Variants in VDAC1 observed in about 807,000 individuals in gnomAD.
The protein encoded by VDAC1 is voltage dependent anion channel 1, also known as non-selective voltage-gated ion channel VDAC1.
In VDAC1, 10 loss-of-function variants were observed where a neutral mutation model predicts 34.7. The ratio of observed to expected loss-of-function variants is 0.29; its 90% CI spans 0.18 to 0.49. The LOEUF (loss-of-function observed/expected upper bound fraction) is 0.49. Ranked by LOEUF, VDAC1 falls within the 20% of genes least tolerant of loss-of-function variation. VDAC1 has a pLI of 0.99. For missense variants in VDAC1, 230 were observed against 347.9 expected (o/e 0.66, Z 2.69); for synonymous variants, 130 against 136.0 (o/e 0.96, Z 0.30).
the VDAC1 span, among the ~76,000 whole-genome samples, chr5:134,058,952 A>C: frequency 6.6e-6 from 1 of 152,160 alleles, no homozygotes; most frequent in Middle Eastern, 3.2e-3. Flanking sequence ...TGGGCTTTAC[A>C]ATAACCGCCT....
the VDAC1 span, among the ~76,000 whole-genome samples, chr5:134,080,524 G>A: frequency 3.0e-4 from 45 of 152,368 alleles, no homozygotes; most frequent in Admixed American, 2.9e-3. Flanking sequence ...AAGTCACGGA[G>A]GTACAGTACC....
At position 134,000,750 on chromosome 5, in the gene VDAC1, T is replaced by C. The variant is rs537220184; in HGVS notation, c.-7+4145A>G. Reference sequence around the variant, plus strand: ...TGTGAGGACTGAATTAGCTCGTTAATATACAACACTTGGTACAGTGGCTGG... The same window carrying C: ...TGTGAGGACTGAATTAGCTCGTTAACATACAACACTTGGTACAGTGGCTGG... On this transcript the variant is annotated intron_variant, in intron 1 of 8. Coordinates refer to ENST00000265333, the MANE Select transcript of VDAC1 (RefSeq NM_003374.3). Among the ~76,000 whole-genome samples, 5 of 152,296 alleles carry C rather than the reference T, an allele frequency of 3.3e-5. No homozygotes were observed. The South Asian group carries it at 1.0e-3, about 32-fold the overall frequency.
chr5:134,068,967 TGTGTG>T, the VDAC1 span, among the ~76,000 whole-genome samples: 1 of 3,028 alleles, frequency 3.3e-4, no homozygotes, highest in East Asian at 3.7e-3. Flanking sequence ...GGGAGGTGAC[TGTGTG>T]TGTGTGTGTG....
At chr5:134,021,279 C>T in the VDAC1 span, among the ~76,000 whole-genome samples, 3 of 151,798 alleles carry the variant, frequency 2.0e-5, no homozygotes, top group African/African-American at 7.3e-5. Flanking sequence ...TGTTGGTTTG[C>T]TGCACCCATC....
the VDAC1 span, among the ~76,000 whole-genome samples, chr5:134,046,276 C>A: frequency 6.6e-6 from 1 of 152,120 alleles, no homozygotes; most frequent in Non-Finnish European, 1.5e-5. Flanking sequence ...GATCCACCCA[C>A]CTTGGCCTCC....
At chr5:134,111,317 G>A in the VDAC1 span, among the ~76,000 whole-genome samples, 1 of 152,206 alleles carries the variant, frequency 6.6e-6, no homozygotes, top group Non-Finnish European at 1.5e-5. Flanking sequence ...GCGTGAAGAT[G>A]AAGCCTTATT....
At chr5:134,033,702 C>A in the VDAC1 span, among the ~76,000 whole-genome samples, 165 of 149,962 alleles carry the variant, frequency 1.1e-3, 2 homozygotes, top group African/African-American at 3.8e-3. Context: ...AAAAAAGAGT[C>A]GAAATATAGG....
At chr5:134,103,027 T>C in the VDAC1 span, among the ~76,000 whole-genome samples, 1 of 152,194 alleles carries the variant, frequency 6.6e-6, no homozygotes, top group African/African-American at 2.4e-5. Context: ...GAGCCCTCAC[T>C]GTCCTCCCTC....
chr5:133,988,819 T>A (rs1752998370), intron 5 of VDAC1: 1 of 151,222 alleles, frequency 6.6e-6, no homozygotes, highest in Non-Finnish European at 1.5e-5. Context: ...TTATACTGCA[T>A]GGCCTGGAGA....
At chr5:134,033,987 G>A in the VDAC1 span, among the ~76,000 whole-genome samples, 4 of 151,196 alleles carry the variant, frequency 2.6e-5, no homozygotes, top group South Asian at 2.1e-4. Flanking sequence ...GCGAGACTCC[G>A]TCTCAAAAAA....
chr5:133,999,846 C>T (rs1001998743), intron 1 of VDAC1, among the ~76,000 whole-genome samples: 4 of 152,142 alleles, frequency 2.6e-5, no homozygotes, highest in African/African-American at 9.7e-5. Context: ...ATCATCATTG[C>T]CATCATCTTA....
chr5:134,089,507 T>C, the VDAC1 span, among the ~76,000 whole-genome samples: 9 of 152,086 alleles, frequency 5.9e-5, no homozygotes. Context: ...GTTTAGGATA[T>C]TGGAAGAAAC....
chr5:133,976,010 G>T lies in VDAC1; in HGVS notation c.563C>A (p.Thr188Lys). The T allele has an allele frequency of 6.2e-7, 1 of 1,614,094 alleles. No homozygotes were observed. The highest frequency in any genetic ancestry group is 8.5e-7 in the Non-Finnish European group (1 of 1,179,994). ...FQLHTNVNDG[T>K]EFGGSIYQKV... ...CTGGTAAATGGAGCCGCCAAACTCT[G>T]TCCCGTCATTCCTGCAAACAAGCAC... is the stretch of plus-strand genomic sequence containing the variant. Residue 188 changes from threonine to lysine, a missense_variant, in exon 7 of 9, where the codon ACA (threonine) becomes AAA (lysine). Coordinates refer to ENST00000265333, the MANE Select transcript of VDAC1 (RefSeq NM_003374.3).
chr5:134,095,529 A>C, the VDAC1 span, among the ~76,000 whole-genome samples: 11 of 132,914 alleles, frequency 8.3e-5, no homozygotes, highest in Admixed American at 6.1e-4. Flanking sequence ...AATAAATCCA[A>C]GAGGAAGACA....
chr5:134,055,589 T>TTTTTG, the VDAC1 span, among the ~76,000 whole-genome samples: 44 of 20,412 alleles, frequency 2.2e-3, 2 homozygotes, highest in African/African-American at 8.2e-3. Context: ...CCCGCTAATG[T>TTTTTG]TTTTTTTTTT....
At chr5:134,074,495 C>A in the VDAC1 span, among the ~76,000 whole-genome samples, 1 of 151,938 alleles carries the variant, frequency 6.6e-6, no homozygotes, top group Non-Finnish European at 1.5e-5. Flanking sequence ...CCTGACTTAC[C>A]AATGCGAGAT....
At chr5:134,013,846 G>T in the VDAC1 span, among the ~76,000 whole-genome samples, 4 of 152,164 alleles carry the variant, frequency 2.6e-5, no homozygotes, top group African/African-American at 7.2e-5. Context: ...GGAGGCTGAG[G>T]CAGGAGAATC....
the VDAC1 span, among the ~76,000 whole-genome samples, chr5:134,083,228 G>T: frequency 1.9e-4 from 20 of 107,906 alleles, no homozygotes; most frequent in African/African-American, 6.7e-4. Flanking sequence ...TTGCTTTGTT[G>T]TCCAGGCTGG....
intron 1 of VDAC1, among the ~76,000 whole-genome samples, chr5:134,001,077 T>C (rs1753533931): frequency 6.6e-6 from 1 of 152,244 alleles, no homozygotes; most frequent in Admixed American, 6.5e-5. Context: ...AAGTTCACTC[T>C]GACTGGTGTG....
Sources: allele counts gnomAD v4.1 joint callset (sites outside exome capture counted in the v4.1 genomes callset), GRCh38; gene constraint gnomAD v4.1.1; transcripts MANE v1.5; gene names NCBI Gene and HGNC (gene_info 2026-07-23, HGNC 2026-07-21).